CDH13: variants seen among roughly 807,000 people sequenced by gnomAD.
The protein encoded by CDH13 is cadherin 13, also known as cadherin-13.
CDH13 carries 24 observed loss-of-function variants against 63.8 expected under a neutral mutation model. The ratio of observed to expected loss-of-function variants is 0.38; its 90% CI spans 0.27 to 0.53. The LOEUF (loss-of-function observed/expected upper bound fraction) is 0.53, where lower values mean the gene tolerates loss of function less well. Among genes scored for constraint, CDH13 ranks in the 20% least tolerant of loss-of-function variants. The pLI is 0.85. For synonymous variants in CDH13, 503 were observed against 355.3 expected (o/e 1.42, Z -4.67); for missense variants, 1,049 against 903.1 (o/e 1.16, Z -2.07).
At chr16:83,094,878 A>C (rs933712931) in intron 3 of CDH13, among the ~76,000 whole-genome samples, 3 of 152,202 alleles carry the variant, frequency 2.0e-5, no homozygotes, top group Non-Finnish European at 4.4e-5. Flanking sequence ...TTTTAAGATA[A>C]GTGAGACCTC....
chr16:83,593,750 T>C (rs1332211340), intron 7 of CDH13, among the ~76,000 whole-genome samples: 3 of 152,094 alleles, frequency 2.0e-5, no homozygotes, highest in African/African-American at 7.2e-5. Flanking sequence ...GGCAGTGAAT[T>C]TTATCTCCCA....
rs571909127 is a variant in CDH13 at position 82,826,435 on chromosome 16, T to A, written c.46-31927T>A. 5 of 152,334 alleles carry A rather than the reference T, an allele frequency of 3.3e-5. No homozygotes were observed. In the South Asian group the frequency reaches 1.0e-3, roughly 32 times the overall value. 9.4% of individuals were successfully genotyped at this position (152,334 alleles called of 1,614,324 possible). On this transcript the variant is annotated intron_variant, in intron 1 of 13. Transcript: ENST00000567109. ...TACAATATCGAATTCAATCCCAAAC[T>A]TGAAGCATTGATGTAATTGAAACAT...
At chr16:83,754,878 G>A (rs1812880438) in intron 11 of CDH13, among the ~76,000 whole-genome samples, 2 of 152,054 alleles carry the variant, frequency 1.3e-5, no homozygotes, top group African/African-American at 2.4e-5. Context: ...GACTAATACA[G>A]GAGAGGGAAA....
intron 6 of CDH13, among the ~76,000 whole-genome samples, chr16:83,451,177 A>G (rs1202349166): frequency 6.6e-6 from 1 of 152,246 alleles, no homozygotes; most frequent in African/African-American, 2.4e-5. Flanking sequence ...TAATAAAGAC[A>G]TACCTGAGAC....
chr16:82,825,286 C>T (rs1290947607), intron 1 of CDH13: 1 of 152,174 alleles, frequency 6.6e-6, no homozygotes, highest in African/African-American at 2.4e-5. Context: ...GTAAGGTGCA[C>T]CCACTTCTCA....
intron 2 of CDH13, among the ~76,000 whole-genome samples, chr16:83,005,536 G>A (rs906015024): frequency 1.3e-5 from 2 of 152,024 alleles, no homozygotes; most frequent in Admixed American, 1.3e-4. Context: ...AGAGCTTTGA[G>A]CAGTGTTTTC....
chr16:83,269,875 C>A (rs908145187), intron 5 of CDH13, among the ~76,000 whole-genome samples: 3 of 152,182 alleles, frequency 2.0e-5, no homozygotes, highest in Admixed American at 6.5e-5. Flanking sequence ...TTTGTCTGTC[C>A]TGCTTCCTCA....
At chr16:82,767,955 T>G (rs574008160) in intron 1 of CDH13, among the ~76,000 whole-genome samples, 2 of 151,968 alleles carry the variant, frequency 1.3e-5, no homozygotes, top group African/African-American at 2.4e-5. Flanking sequence ...TTGCAAGGCC[T>G]CAAAGAGAAA....
chr16:82,964,128 T>G (rs1384200559), intron 2 of CDH13, among the ~76,000 whole-genome samples: 1 of 151,872 alleles, frequency 6.6e-6, no homozygotes, highest in Non-Finnish European at 1.5e-5. Flanking sequence ...GAAAAAGGAG[T>G]GGAGATCACT....
At chr16:82,719,295 G>T in intron 1 of CDH13, 1 of 450,584 alleles carries the variant, frequency 2.2e-6, no homozygotes, top group Non-Finnish European at 4.5e-6. Flanking sequence ...TGGGACAGGT[G>T]GTGTGGAGAT....
chr16:82,839,277 C>G (rs976475599), intron 1 of CDH13, among the ~76,000 whole-genome samples: 1 of 152,326 alleles, frequency 6.6e-6, no homozygotes, highest in African/African-American at 2.4e-5. Flanking sequence ...TCCCCTGGCC[C>G]TCTAGGCTTA....
chr16:83,111,673 A>G (rs964799678), intron 3 of CDH13, among the ~76,000 whole-genome samples: 1 of 152,228 alleles, frequency 6.6e-6, no homozygotes, highest in Non-Finnish European at 1.5e-5. Context: ...GGATTGGAGA[A>G]TGGAGTTGAG....
rs546216462 is a variant in CDH13, at chr16:83,103,115, G to A, written c.367-22270G>A. Among the ~76,000 whole-genome samples the A allele has an allele frequency of 2.6e-5, 4 of 151,144 alleles. No homozygotes were observed. The South Asian group carries it at 8.4e-4, about 32-fold the overall frequency. On this transcript the variant is annotated intron_variant, in intron 3 of 13. Coordinates refer to ENST00000567109, the MANE Select transcript of CDH13 (RefSeq NM_001257.5). Reference sequence around the variant, plus strand: ...TTACAGGAGTGTGCCACCACGCCCAGCTAATTTTTGTATCTTTAGTAGAGA... The same window carrying A: ...TTACAGGAGTGTGCCACCACGCCCAACTAATTTTTGTATCTTTAGTAGAGA...
chr16:83,783,213 A>T, intron 12 of CDH13, 41 bp from the exon 13 acceptor site: 2 of 1,383,494 alleles, frequency 1.4e-6, no homozygotes, highest in South Asian at 2.4e-5. Flanking sequence ...TATTGGAAAA[A>T]GTCTCATCCA....
chr16:82,979,143 C>A (rs921746187), intron 2 of CDH13, among the ~76,000 whole-genome samples: 6 of 152,182 alleles, frequency 3.9e-5, no homozygotes, highest in South Asian at 2.1e-4. Context: ...CCAGTTACTC[C>A]CATTTGGAAC....
At chr16:82,848,118 A>G (rs2057782135) in intron 1 of CDH13, among the ~76,000 whole-genome samples, 1 of 152,184 alleles carries the variant, frequency 6.6e-6, no homozygotes, top group Non-Finnish European at 1.5e-5. Flanking sequence ...AATGTTATGT[A>G]TTGCTCTTTG....
chr16:83,171,227 T>C (rs1379090726), intron 4 of CDH13, among the ~76,000 whole-genome samples: 3 of 152,008 alleles, frequency 2.0e-5, no homozygotes, highest in Non-Finnish European at 4.4e-5. Context: ...AAAAGGGGCA[T>C]GGCGGAAACA....
chr16:83,477,239 C>T (rs1162946028), intron 6 of CDH13, among the ~76,000 whole-genome samples: 3 of 152,194 alleles, frequency 2.0e-5, no homozygotes, highest in Admixed American at 2.0e-4. Context: ...CAGATGGAGA[C>T]AGTCATTGCT....
intron 4 of CDH13, among the ~76,000 whole-genome samples, chr16:83,204,561 C>T (rs764078920): frequency 1.3e-5 from 2 of 152,168 alleles, no homozygotes; most frequent in Non-Finnish European, 1.5e-5. Flanking sequence ...AGGAGTGAGG[C>T]TCAGAGAGGC....
Sources: gnomAD v4.1 joint callset for allele counts (sites outside exome capture counted in the v4.1 genomes callset) on GRCh38, gnomAD v4.1.1 for gene constraint, MANE v1.5 for transcripts, NCBI Gene and HGNC (gene_info 2026-07-23, HGNC 2026-07-21) for gene names.